The following TTC6 variants were observed in gnomAD, a reference collection of about 807,000 sequenced individuals.
TTC6 encodes tetratricopeptide repeat domain 6.
In TTC6, 172 loss-of-function variants were observed where a neutral mutation model predicts 210.4. The observed-to-expected ratio is 0.82, with a 90% CI of 0.72 to 0.93. The LOEUF (loss-of-function observed/expected upper bound fraction) is 0.93, where lower values mean the gene tolerates loss of function less well. Among genes scored for constraint, TTC6 ranks in the 40% least tolerant of loss-of-function variants. TTC6 has a pLI of 0.00. For missense variants in TTC6, 2,414 were observed against 2,318.1 expected, an observed-to-expected ratio of 1.04 and a Z score of -0.85; for synonymous variants, 804 against 819.6, an observed-to-expected ratio of 0.98 and a Z score of 0.32.
chr14:37,749,900 T>A, intron 12 of TTC6, 57 bp downstream of exon 14: 1 of 1,159,802 alleles, frequency 8.6e-7, no homozygotes, highest in South Asian at 3.2e-5. Flanking sequence ...GCCTTTGTCA[T>A]TTATTGGTAC....
Position 37,724,887 on chromosome 14 carries a change from T to C in TTC6, c.1714-11T>C, listed in dbSNP as rs765928913. The C allele has an allele frequency of 2.7e-6, 4 of 1,472,838 alleles. No individual in the cohort carries two copies. The highest frequency in any genetic ancestry group is 1.3e-5 in the South Asian group (1 of 77,978). The allele number at this position is 1,472,838 out of a possible 1,614,324, so 91.2% of individuals were successfully genotyped here. A position where few individuals can be genotyped will look rare whatever the true frequency, so the allele number is the denominator to read the frequency against. ...TACCATTTCTAATAACCTTTTATGT[T>C]ATTTTCAAAGATGTATGCTTATCCA... On this transcript the variant is annotated splice_polypyrimidine_tract_variant and intron_variant, in intron 6 of 30. Transcript: ENST00000553443.
intron 10 of TTC6, among the ~76,000 whole-genome samples, chr14:37,746,324 T>G (rs2095935875): frequency 2.0e-5 from 3 of 152,200 alleles, no homozygotes; most frequent in Non-Finnish European, 4.4e-5. Flanking sequence ...GGGTTGGGAC[T>G]TGACTAAGCA....
At chr14:37,680,964 AT>A (rs758643799) in intron 2 of TTC6, among the ~76,000 whole-genome samples, 9 of 152,150 alleles carry the variant, frequency 5.9e-5, no homozygotes, top group Admixed American at 2.6e-4. Flanking sequence ...AGTGCATGGA[AT>A]TTTTTCTTTT....
intron 1 of TTC6, among the ~76,000 whole-genome samples, chr14:37,624,142 A>T (rs1167457556): frequency 1.3e-5 from 2 of 152,240 alleles, no homozygotes; most frequent in African/African-American, 4.8e-5. Flanking sequence ...AAAAACAGGT[A>T]TGAACAAGAG....
At chr14:37,756,042 G>A (rs912487621) in intron 14 of TTC6, among the ~76,000 whole-genome samples, 4 of 152,134 alleles carry the variant, frequency 2.6e-5, no homozygotes, top group Admixed American at 2.6e-4. Flanking sequence ...GCAGTGGTTT[G>A]TACTCCTTGA....
chr14:37,622,718 C>T, exon 1 of TTC6: 3 of 1,535,040 alleles, frequency 2.0e-6, no homozygotes, highest in Non-Finnish European at 2.6e-6. Flanking sequence ...TGGAGGCCAG[C>T]AGCGGGCGGA....
intron 14 of TTC6, among the ~76,000 whole-genome samples, chr14:37,768,965 A>G (rs913801460): frequency 3.9e-5 from 6 of 152,064 alleles, no homozygotes; most frequent in Admixed American, 1.3e-4. Flanking sequence ...TATTATTTTG[A>G]AATACGTCCC....
intron 16 of TTC6, 37 bp downstream of exon 18, chr14:37,790,874 T>C (rs770432195): frequency 8.0e-6 from 12 of 1,492,702 alleles, no homozygotes; most frequent in Non-Finnish European, 9.7e-6. Flanking sequence ...ATTTCAGTTT[T>C]GTAAAAAATC....
At chr14:37,831,923 G>A (rs538464644) in intron 29 of TTC6, among the ~76,000 whole-genome samples, 2 of 152,178 alleles carry the variant, frequency 1.3e-5, no homozygotes, top group Admixed American at 1.3e-4. Flanking sequence ...CTATGCAGAA[G>A]CTTTTTCAGC....
intron 14 of TTC6, among the ~76,000 whole-genome samples, chr14:37,759,941 A>G (rs546294939): frequency 6.6e-6 from 1 of 152,300 alleles, no homozygotes; most frequent in South Asian, 2.1e-4. Context: ...GCATTGGGTT[A>G]GAATATGCTC....
intron 29 of TTC6, chr14:37,837,532 A>G (rs940776087): frequency 9.9e-6 from 4 of 405,618 alleles, no homozygotes; most frequent in African/African-American, 8.3e-5. Context: ...TTCATGGAGT[A>G]TTGCCTAAAG....
At chr14:37,794,258 A>G (rs1595276554) in intron 17 of TTC6, among the ~76,000 whole-genome samples, 1 of 152,264 alleles carries the variant, frequency 6.6e-6, no homozygotes, top group African/African-American at 2.4e-5. Flanking sequence ...GAAATTTTCC[A>G]ATTTGTTTAA....
At chr14:37,641,243 C>G (rs993642848) in intron 1 of TTC6, among the ~76,000 whole-genome samples, 1 of 152,134 alleles carries the variant, frequency 6.6e-6, no homozygotes, top group Non-Finnish European at 1.5e-5. Flanking sequence ...TATTTGGTTG[C>G]GATTGAAGTC....
intron 29 of TTC6, among the ~76,000 whole-genome samples, chr14:37,837,839 A>G (rs992112673): frequency 6.6e-6 from 1 of 152,222 alleles, no homozygotes; most frequent in Admixed American, 6.5e-5. Context: ...CATATCACCC[A>G]TGATGGAAGT....
At chr14:37,832,461 T>A (rs1286409274) in intron 29 of TTC6, among the ~76,000 whole-genome samples, 1 of 151,830 alleles carries the variant, frequency 6.6e-6, no homozygotes, top group East Asian at 1.9e-4. Flanking sequence ...TTCAACTCTA[T>A]AAATGTCCCT....
chr14:37,810,150 T>A (rs902689361), intron 24 of TTC6, among the ~76,000 whole-genome samples: 3 of 152,316 alleles, frequency 2.0e-5, no homozygotes, highest in Admixed American at 6.5e-5. Flanking sequence ...CCAGAAATGT[T>A]GATAAATGAA....
intron 14 of TTC6, among the ~76,000 whole-genome samples, chr14:37,756,029 T>A (rs1446829578): frequency 6.6e-6 from 1 of 152,204 alleles, no homozygotes; most frequent in Non-Finnish European, 1.5e-5. Context: ...CTTATTTCCT[T>A]GAGCAGTGGT....
intron 1 of TTC6, among the ~76,000 whole-genome samples, chr14:37,648,954 T>C (rs1707616055): frequency 6.6e-6 from 1 of 152,080 alleles, no homozygotes; most frequent in African/African-American, 2.4e-5. Context: ...TAAACAGAGA[T>C]GTGCAAGAAT....
At chr14:37,807,050 C>T (rs1200250912) in intron 22 of TTC6, among the ~76,000 whole-genome samples, 1 of 151,952 alleles carries the variant, frequency 6.6e-6, no homozygotes, top group Non-Finnish European at 1.5e-5. Flanking sequence ...ATTACCATAT[C>T]TACAACTTGT....
Sources: allele counts gnomAD v4.1 joint callset (sites outside exome capture counted in the v4.1 genomes callset), GRCh38; gene constraint gnomAD v4.1.1; transcripts MANE v1.5; gene names NCBI Gene and HGNC (gene_info 2026-07-23, HGNC 2026-07-21).